Variants in COL23A1 observed in about 807,000 individuals in gnomAD.
COL23A1 encodes collagen alpha-1(XXIII) chain.
Under a neutral mutation model 99.3 loss-of-function variants are expected in COL23A1, and 97 were observed. That is an observed-to-expected ratio of 0.98 (90% CI 0.83 to 1.16). The LOEUF (loss-of-function observed/expected upper bound fraction) is 1.16, where lower values mean the gene tolerates loss of function less well. Among genes scored for constraint, COL23A1 ranks in the 50% most tolerant of loss-of-function variants. The pLI, the probability that COL23A1 is intolerant of heterozygous loss-of-function variation, is 0.00. For synonymous variants in COL23A1, 320 were observed against 308.2 expected, an observed-to-expected ratio of 1.04 and a Z score of -0.40; for missense variants, 762 against 757.4, an observed-to-expected ratio of 1.01 and a Z score of -0.07.
Position 178,309,544 on chromosome 5 carries a change from C to T in COL23A1, c.362-2625G>A, listed in dbSNP as rs887216999. On this transcript the variant is annotated intron_variant, in intron 2 of 28. Transcript: ENST00000390654. The surrounding 1 kb of genome is among the most constrained non-coding windows in gnomAD (Gnocchi z 4.7). ...TGTGACCGACTTGCAGATGGACAAG[C>T]GGTCTACCCTTTATTCTGAGCTCTG... 1.3e-5 allele frequency among the ~76,000 whole-genome samples: 2 copies of T among 152,068 alleles called. No homozygotes were observed. Among genetic ancestry groups the T allele is most frequent in the African/African-American group, 4.8e-5 (2 of 41,388 alleles).
chr5:178,397,238 G>A (rs144097243), intron 2 of COL23A1, among the ~76,000 whole-genome samples: 236 of 152,274 alleles, frequency 1.5e-3, no homozygotes, highest in African/African-American at 5.6e-3. Flanking sequence ...TCAGCACTTC[G>A]GATACACCGG....
intron 21 of COL23A1, 93 bp from the exon 22 acceptor site, chr5:178,247,645 C>T (rs1188843326): frequency 4.4e-6 from 7 of 1,578,894 alleles, no homozygotes; most frequent in Non-Finnish European, 6.1e-6. Context: ...GGGCTCTGCC[C>T]TCTGCCCATG....
At chr5:178,343,778 T>C (rs1303600915) in intron 2 of COL23A1, among the ~76,000 whole-genome samples, 2 of 151,918 alleles carry the variant, frequency 1.3e-5, no homozygotes, top group African/African-American at 4.8e-5. Flanking sequence ...TTCTCCTGCC[T>C]CAGCCTCCTG....
At chr5:178,502,876 G>T (rs896423807) in intron 2 of COL23A1, among the ~76,000 whole-genome samples, 3 of 152,120 alleles carry the variant, frequency 2.0e-5, no homozygotes, top group African/African-American at 4.8e-5. Context: ...ACGCCCACAC[G>T]CCCCTGAACC....
At chr5:178,562,463 G>A (rs920936016) in intron 1 of COL23A1, 4 of 156,018 alleles carry the variant, frequency 2.6e-5, no homozygotes, top group African/African-American at 9.7e-5. Flanking sequence ...GCTGAGGCAG[G>A]AGAATGGCGT....
chr5:178,336,459 A>G (rs532070830), intron 2 of COL23A1, among the ~76,000 whole-genome samples: 2 of 152,358 alleles, frequency 1.3e-5, no homozygotes, highest in South Asian at 4.1e-4. Flanking sequence ...CCCTGAAAGC[A>G]TTGTGCTAAG....
intron 2 of COL23A1, among the ~76,000 whole-genome samples, chr5:178,372,381 G>A (rs369341730): frequency 5.9e-5 from 9 of 152,310 alleles, no homozygotes; most frequent in East Asian, 3.9e-4. Flanking sequence ...TGGTGTTGGC[G>A]TTAGCCCTGG....
At chr5:178,510,183 C>A (rs976827503) in intron 2 of COL23A1, among the ~76,000 whole-genome samples, 2 of 152,132 alleles carry the variant, frequency 1.3e-5, no homozygotes, top group African/African-American at 4.8e-5. Context: ...TAATCAATAC[C>A]CAGTGCTGGA....
intron 2 of COL23A1, among the ~76,000 whole-genome samples, chr5:178,431,376 G>A (rs556485784): frequency 2.6e-5 from 4 of 152,290 alleles, no homozygotes; most frequent in South Asian, 4.1e-4. Flanking sequence ...AAGACACTAC[G>A]GTTGACAGAA....
intron 11 of COL23A1, among the ~76,000 whole-genome samples, chr5:178,260,976 C>A (rs556125955): frequency 6.7e-6 from 1 of 149,790 alleles, no homozygotes; most frequent in Admixed American, 6.7e-5. Context: ...CTAATGTAAA[C>A]GACGGCATCT....
At chr5:178,479,913 T>A (rs1757241185) in intron 2 of COL23A1, among the ~76,000 whole-genome samples, 1 of 152,156 alleles carries the variant, frequency 6.6e-6, no homozygotes. Context: ...TGGGGCGGCC[T>A]ACTGCACACC....
intron 2 of COL23A1, among the ~76,000 whole-genome samples, chr5:178,479,406 G>T (rs1757208289): frequency 6.6e-6 from 1 of 152,134 alleles, no homozygotes; most frequent in Non-Finnish European, 1.5e-5. Flanking sequence ...TCCTCTACTG[G>T]GCAGCTTCTC....
At position 178,271,060 on chromosome 5, in the gene COL23A1, C is replaced by A. The variant is rs1756258043; in HGVS notation, c.442-697G>T. Among the ~76,000 whole-genome samples, 3 of 152,296 alleles carry A rather than the reference C, an allele frequency of 2.0e-5. No homozygotes were observed. The South Asian group carries it at 6.2e-4, about 32-fold the overall frequency. ...GAAGCCGAATCACACCAGGGTGGGT[C>A]CAGAGAGTGGGGGCACTCAGGGACC... On this transcript the variant is annotated intron_variant, in intron 5 of 28. Transcript: ENST00000390654.
chr5:178,523,163 C>CATATACAT (rs1760059637), intron 2 of COL23A1, among the ~76,000 whole-genome samples: 1 of 95,550 alleles, frequency 1.0e-5, no homozygotes, highest in African/African-American at 4.0e-5. Flanking sequence ...TATATATATA[C>CATATACAT]ATATATATAT....
intron 2 of COL23A1, among the ~76,000 whole-genome samples, chr5:178,552,980 T>C (rs747232876): frequency 7.7e-4 from 117 of 152,206 alleles, no homozygotes; most frequent in Admixed American, 1.8e-3. Flanking sequence ...AGTGCTGGGA[T>C]TACAGGCGTG....
Position 178,585,497 on chromosome 5 carries a change from C to T in COL23A1, c.294+4407G>A, listed in dbSNP as rs867846568. Among the ~76,000 whole-genome samples, 148 of 56,842 alleles carry T rather than the reference C, an allele frequency of 2.6e-3. 1 individual carries two copies. The highest frequency in any genetic ancestry group is 5.7e-3 in the African/African-American group (120 of 20,894). The allele number at this position is 56,842 out of a possible 152,430, so 37.3% of individuals were successfully genotyped here. On this transcript the variant is annotated intron_variant, in intron 1 of 28. Coordinates refer to ENST00000390654, the MANE Select transcript of COL23A1 (RefSeq NM_173465.4). Reference sequence around the variant, plus strand: ...GGTAACACTCCACAGCCCTGGATGACGCTGGAGTAACACTCCACGTCCCTG... The same window carrying T: ...GGTAACACTCCACAGCCCTGGATGATGCTGGAGTAACACTCCACGTCCCTG...
intron 2 of COL23A1, among the ~76,000 whole-genome samples, chr5:178,441,700 C>T (rs570221921): frequency 6.6e-6 from 1 of 152,276 alleles, no homozygotes; most frequent in African/African-American, 2.4e-5. Context: ...GAACCCCTAA[C>T]AGACGACACG....
intron 2 of COL23A1, among the ~76,000 whole-genome samples, chr5:178,337,671 C>G (rs1760419046): frequency 6.6e-6 from 1 of 152,078 alleles, no homozygotes; most frequent in Admixed American, 6.6e-5. Context: ...AGCCACTGCT[C>G]TCCCCGCCAT....
chr5:178,516,538 C>A (rs966783923), intron 2 of COL23A1, among the ~76,000 whole-genome samples: 1 of 152,242 alleles, frequency 6.6e-6, no homozygotes. Context: ...CCCTCCCCAG[C>A]CCCCTGCCAC....
Sources: gnomAD v4.1 joint callset for allele counts (sites outside exome capture counted in the v4.1 genomes callset) on GRCh38, gnomAD v4.1.1 for gene constraint, Gnocchi (gnomAD v3.1) non-coding constraint, MANE v1.5 for transcripts, NCBI Gene and HGNC (gene_info 2026-07-23, HGNC 2026-07-21) for gene names.